The following CACNG2 variants were observed in gnomAD, a reference collection of about 807,000 sequenced individuals.
CACNG2 encodes calcium voltage-gated channel auxiliary subunit gamma 2, also known as voltage-dependent calcium channel gamma-2 subunit.
In CACNG2, 3 loss-of-function variants were observed where a neutral mutation model predicts 25.9. The observed-to-expected ratio is 0.12, with a 90% CI of 0.05 to 0.30. CACNG2 has a LOEUF of 0.30. Among genes scored for constraint, CACNG2 ranks in the 10% least tolerant of loss-of-function variants. The pLI is 1.00. For synonymous variants in CACNG2, 167 were observed against 173.3 expected, an observed-to-expected ratio of 0.96 and a Z score of 0.29; for missense variants, 341 against 432.5, an observed-to-expected ratio of 0.79 and a Z score of 1.88.
chr22:36,653,647 C>G (rs7288942), intron 1 of CACNG2, among the ~76,000 whole-genome samples: 16,012 of 152,080 alleles, frequency 0.11, 2,781 homozygotes, highest in African/African-American at 0.37. Context: ...AGGGTTGGGA[C>G]GGGTCAAGGG....
chr22:36,590,446 TC>T (rs1334576869), intron 1 of CACNG2, among the ~76,000 whole-genome samples: 2 of 152,150 alleles, frequency 1.3e-5, no homozygotes, highest in Non-Finnish European at 2.9e-5. Context: ...TCTCCAGGGT[TC>T]CCTTGTGTAA....
chr22:36,681,502 A>G (rs566828574), intron 1 of CACNG2, among the ~76,000 whole-genome samples: 1 of 152,320 alleles, frequency 6.6e-6, no homozygotes, highest in East Asian at 1.9e-4. Flanking sequence ...ACTGAATTAA[A>G]TTTGAGCATC....
At chr22:36,649,289 T>C (rs1252329643) in intron 1 of CACNG2, among the ~76,000 whole-genome samples, 2 of 152,164 alleles carry the variant, frequency 1.3e-5, no homozygotes, top group Non-Finnish European at 2.9e-5. Flanking sequence ...CTGACAGCTC[T>C]ACTTCCTTTT....
At chr22:36,570,888 T>C (rs1935214691) in intron 2 of CACNG2, among the ~76,000 whole-genome samples, 1 of 151,970 alleles carries the variant, frequency 6.6e-6, no homozygotes. Context: ...AGCAGGGACT[T>C]CTACATTGGA....
chr22:36,693,925 A>G (rs575172680), intron 1 of CACNG2, among the ~76,000 whole-genome samples: 2 of 152,304 alleles, frequency 1.3e-5, no homozygotes, highest in South Asian at 4.1e-4. Context: ...ACTAGACTGA[A>G]TTCCTTGAGG....
At chr22:36,608,320 C>T (rs1167684829) in intron 1 of CACNG2, among the ~76,000 whole-genome samples, 1 of 152,168 alleles carries the variant, frequency 6.6e-6, no homozygotes, top group African/African-American at 2.4e-5. Context: ...TAAGATCACT[C>T]AGCTGGCAAT....
At chr22:36,677,559 G>T (rs1295279744) in intron 1 of CACNG2, among the ~76,000 whole-genome samples, 2 of 152,190 alleles carry the variant, frequency 1.3e-5, no homozygotes, top group East Asian at 3.8e-4. Context: ...ATTTTTGGGA[G>T]AATGCAGATT....
At chr22:36,576,020 G>A (rs1174076700) in intron 2 of CACNG2, among the ~76,000 whole-genome samples, 1 of 152,224 alleles carries the variant, frequency 6.6e-6, no homozygotes, top group Non-Finnish European at 1.5e-5. Flanking sequence ...CTTCCACGCT[G>A]TGCTGGCTGG....
At position 36,606,201 on chromosome 22, in the gene CACNG2, A is replaced by C. The variant is rs1935830242; in HGVS notation, c.212-18653T>G. Among the ~76,000 whole-genome samples, 2 of 152,210 alleles carry C rather than the reference A, an allele frequency of 1.3e-5. No individual in the cohort carries two copies. The highest frequency in any genetic ancestry group is 1.3e-4 in the Admixed American group (2 of 15,278). On this transcript the variant is annotated intron_variant, in intron 1 of 3. Coordinates refer to ENST00000300105, the MANE Select transcript of CACNG2 (RefSeq NM_006078.5). This position sits in a 1 kb window ranked among gnomAD's most constrained non-coding sequence, Gnocchi z 5.7. Reference sequence around the variant, plus strand: ...AATACAGACGGATTCCCCGTCCCCCAGAGCTGAGTCTTGAGAGGACCCTAG... The same window carrying C: ...AATACAGACGGATTCCCCGTCCCCCCGAGCTGAGTCTTGAGAGGACCCTAG...
At chr22:36,642,345 C>A (rs899312326) in intron 1 of CACNG2, among the ~76,000 whole-genome samples, 4 of 152,194 alleles carry the variant, frequency 2.6e-5, no homozygotes, top group Admixed American at 2.0e-4. Context: ...TTGACCGTTT[C>A]TTCCACTCCA....
Position 36,592,824 on chromosome 22 carries a change from T to C in CACNG2, c.212-5276A>G, listed in dbSNP as rs117601433. On this transcript the variant is annotated intron_variant, in intron 1 of 3. Transcript: ENST00000300105. ...TCTTCTCCTAAGTTGTCCTCTACGG[T>C]TCGACTAGAGGACCTCTCTGTGCCC... 4.4e-3 allele frequency among the ~76,000 whole-genome samples: 673 copies of C among 152,240 alleles called. 2 individuals are homozygous for C. The highest frequency in any genetic ancestry group is 0.01 in the Middle Eastern group (3 of 292).
chr22:36,616,454 T>G (rs1487942806), intron 1 of CACNG2, among the ~76,000 whole-genome samples: 1 of 152,218 alleles, frequency 6.6e-6, no homozygotes, highest in Non-Finnish European at 1.5e-5. Context: ...CGCCTTACGA[T>G]TCACCGGATT....
chr22:36,623,936 A>G (rs1360932413), intron 1 of CACNG2, among the ~76,000 whole-genome samples: 1 of 152,004 alleles, frequency 6.6e-6, no homozygotes, highest in Non-Finnish European at 1.5e-5. Flanking sequence ...AAGTTGCTTG[A>G]CTTCTCTGGG....
chr22:36,610,134 C>T (rs1003965632), intron 1 of CACNG2, among the ~76,000 whole-genome samples: 1 of 145,026 alleles, frequency 6.9e-6, no homozygotes, highest in Non-Finnish European at 1.5e-5. Flanking sequence ...GAGTGTGATC[C>T]GGCAGGAATC....
At chr22:36,594,143 G>A (rs1286455330) in intron 1 of CACNG2, among the ~76,000 whole-genome samples, 1 of 152,152 alleles carries the variant, frequency 6.6e-6, no homozygotes, top group Non-Finnish European at 1.5e-5. Flanking sequence ...CTCCATCTCT[G>A]ACTTTCCTCC....
intron 1 of CACNG2, among the ~76,000 whole-genome samples, chr22:36,700,099 A>G (rs904682961): frequency 6.6e-6 from 1 of 152,258 alleles, no homozygotes; most frequent in Admixed American, 6.5e-5. Flanking sequence ...GGGGGTAGTG[A>G]GGCCCCGCTG....
At chr22:36,698,155 T>C (rs1224824637) in intron 1 of CACNG2, among the ~76,000 whole-genome samples, 1 of 152,128 alleles carries the variant, frequency 6.6e-6, no homozygotes, top group African/African-American at 2.4e-5. Context: ...CTCCTTTCTC[T>C]CCCTCTCTTC....
intron 1 of CACNG2, among the ~76,000 whole-genome samples, chr22:36,649,592 T>C: frequency 6.6e-6 from 1 of 152,182 alleles, no homozygotes; most frequent in Non-Finnish European, 1.5e-5. Flanking sequence ...GGCCAACAGC[T>C]CTACTTTCAA....
intron 1 of CACNG2, among the ~76,000 whole-genome samples, chr22:36,613,424 A>G (rs1935976028): frequency 6.6e-6 from 1 of 152,058 alleles, no homozygotes; most frequent in South Asian, 2.1e-4. Context: ...TTTGCTATGC[A>G]CCGTTGACAT....
Sources: gnomAD v4.1 joint callset for allele counts (sites outside exome capture counted in the v4.1 genomes callset) on GRCh38, gnomAD v4.1.1 for gene constraint, Gnocchi (gnomAD v3.1) non-coding constraint, MANE v1.5 for transcripts, NCBI Gene and HGNC (gene_info 2026-07-23, HGNC 2026-07-21) for gene names.